The following KANK1 variants were observed in gnomAD, a reference collection of about 807,000 sequenced individuals.
KANK1 encodes the protein KN motif and ankyrin repeat domains 1, also known as KN motif and ankyrin repeat domain-containing protein 1.
A neutral mutation model predicts 106.2 loss-of-function variants in KANK1; 109 were observed. That is an observed-to-expected ratio of 1.03 (90% CI 0.88 to 1.20). The LOEUF (loss-of-function observed/expected upper bound fraction) is 1.20, where lower values mean the gene tolerates loss of function less well. Ranked by LOEUF, KANK1 falls within the 50% of genes most tolerant of loss-of-function variation. The pLI is 0.00. For missense variants in KANK1, 2,399 were observed against 1,710.7 expected (o/e 1.40, Z -7.10); for synonymous variants, 873 against 652.2 (o/e 1.34, Z -5.16).
At position 742,421 on chromosome 9, in the gene KANK1, T is replaced by G; in HGVS notation, c.3897+16T>G. The stretch of plus-strand genomic sequence containing the variant: ...AGAGGACAACGTAAGCTGTCTCCAT[T>G]GGGCCTCCTGGCCAGGGGTCTGGGG... On this transcript the variant is annotated intron_variant, in intron 10 of 11. Transcript: ENST00000382297. 1 of 1,598,066 alleles carries G rather than the reference T, an allele frequency of 6.3e-7. No individual in the cohort carries two copies. Among genetic ancestry groups the G allele is most frequent in the Non-Finnish European group, 8.5e-7 (1 of 1,169,614 alleles).
rs762531818 is a variant in KANK1, at chr9:710,981, C to T, written c.215C>T (p.Pro72Leu). ...NIQKRRKPSV[P>L]CPEPRTTSGQ... ...CAGAAGAGGCGGAAGCCGTCCGTGCCATGCCCAGAACCCAGGACCACATCT... is the reference window on the plus strand; with the variant it reads ...CAGAAGAGGCGGAAGCCGTCCGTGCTATGCCCAGAACCCAGGACCACATCT... The change falls in exon 3 of 12, where the codon CCA becomes CTA. Residue 72 changes from proline to leucine, a missense_variant. Physicochemically the swap from Pro to Leu is moderately conservative, Grantham distance 98. Transcript: ENST00000382297. 2 of 1,614,192 alleles carry T rather than the reference C, an allele frequency of 1.2e-6. No homozygotes were observed. The highest frequency in any genetic ancestry group is 2.2e-5 in the South Asian group (2 of 91,088).
At chr9:715,432 A>G (rs1016879361) in intron 3 of KANK1, among the ~76,000 whole-genome samples, 1 of 152,112 alleles carries the variant, frequency 6.6e-6, no homozygotes, top group African/African-American at 2.4e-5. Context: ...CTCCTCCCCA[A>G]ACTGGGGTTT....
intron 1 of KANK1, among the ~76,000 whole-genome samples, chr9:507,716 C>G (rs923191895): frequency 7.9e-5 from 12 of 152,080 alleles, no homozygotes; most frequent in Non-Finnish European, 1.6e-4. Context: ...TGTCACCACA[C>G]CCAGCTAATT....
chr9:602,064 A>C (rs781744080), intron 1 of KANK1, among the ~76,000 whole-genome samples: 16 of 151,886 alleles, frequency 1.1e-4, no homozygotes, highest in Non-Finnish European at 2.1e-4. Context: ...TGATCACTTA[A>C]TGTTGAGTTG....
At position 742,415 on chromosome 9, in the gene KANK1, C is replaced by T. The variant is rs775549113; in HGVS notation, c.3897+10C>T. The stretch of plus-strand genomic sequence containing the variant: ...TCACCTAGAGGACAACGTAAGCTGT[C>T]TCCATTGGGCCTCCTGGCCAGGGGT... On this transcript the variant is annotated intron_variant, in intron 10 of 11. Coordinates refer to ENST00000382297, the MANE Select transcript of KANK1 (RefSeq NM_015158.5). 4 of 1,603,288 alleles carry T rather than the reference C, an allele frequency of 2.5e-6. No individual in the cohort carries two copies. The highest frequency in any genetic ancestry group is 3.4e-6 in the Non-Finnish European group (4 of 1,173,154).
chr9:734,622 T>A lies in KANK1; in HGVS notation c.3246-126T>A. ...CGGAGGTTGCAGTGAGCCAAGATCA[T>A]GCCACTGCACTCCAGCCTGGGCGAC... On this transcript the variant is annotated intron_variant, in intron 6 of 11. Coordinates refer to ENST00000382297, the MANE Select transcript of KANK1 (RefSeq NM_015158.5). 4.9e-6 allele frequency: 3 copies of A among 610,572 alleles called. No homozygotes were observed. The East Asian group carries it at 9.3e-5, about 19-fold the overall frequency. The allele number at this position is 610,572 out of a possible 1,614,324, so 37.8% of individuals were successfully genotyped here.
rs776918053 is a variant in KANK1, at chr9:711,430, T to G, written c.664T>G (p.Tyr222Asp). The change falls in exon 3 of 12, where the codon TAT becomes GAT. Residue 222 changes from tyrosine to aspartate, a missense_variant. Coordinates refer to ENST00000382297, the MANE Select transcript of KANK1 (RefSeq NM_015158.5). ...GAATGGATACCAAGGTAATGGGGAT[T>G]ATGGTAGCTATGCCCCAGCTGCTCC... ...LQNGYQGNGDYGSYAPAAPTT... is the reference protein window; with the variant it reads ...LQNGYQGNGDDGSYAPAAPTT... 1 of 1,614,106 alleles carries G rather than the reference T, an allele frequency of 6.2e-7. No individual in the cohort carries two copies. The highest frequency in any genetic ancestry group is 1.1e-5 in the South Asian group (1 of 91,072).
intron 1 of KANK1, among the ~76,000 whole-genome samples, chr9:572,817 C>G (rs1819554785): frequency 6.6e-6 from 1 of 152,142 alleles, no homozygotes; most frequent in South Asian, 2.1e-4. Flanking sequence ...GCATAACGGT[C>G]TTCCCACATT....
chr9:550,778 A>C lies in KANK1; in HGVS notation c.-84+46024A>C, dbSNP rs61585899. On this transcript the variant is annotated intron_variant, in intron 1 of 11. Transcript: ENST00000382297. ...AAGGTTAATTATGAGCGTAAGGCCC[A>C]GGCATCTTTTCTTCCTAACAATTTC... Among the ~76,000 whole-genome samples the C allele has an allele frequency of 7.2e-3, 1,099 of 152,344 alleles. 19 individuals are homozygous for C. Among genetic ancestry groups the C allele is most frequent in the African/African-American group, 0.024 (1,004 of 41,578 alleles).
At chr9:654,521 A>T (rs1563932154) in intron 1 of KANK1, among the ~76,000 whole-genome samples, 1 of 150,538 alleles carries the variant, frequency 6.6e-6, no homozygotes, top group Admixed American at 6.6e-5. Context: ...GGACAATAGA[A>T]TTTTTTTTTT....
At chr9:636,274 A>G (rs1232851420) in intron 1 of KANK1, among the ~76,000 whole-genome samples, 1 of 152,194 alleles carries the variant, frequency 6.6e-6, no homozygotes, top group Non-Finnish European at 1.5e-5. Flanking sequence ...GAGAATTATC[A>G]GAATAATTTC....
intron 1 of KANK1, among the ~76,000 whole-genome samples, chr9:600,522 A>G (rs1206501526): frequency 6.6e-6 from 1 of 151,932 alleles, no homozygotes; most frequent in Non-Finnish European, 1.5e-5. Context: ...ATATAAATAA[A>G]TAAAATGAAG....
intron 1 of KANK1, among the ~76,000 whole-genome samples, chr9:505,418 C>T (rs1170619091): frequency 2.0e-5 from 3 of 152,232 alleles, no homozygotes; most frequent in Non-Finnish European, 4.4e-5. Flanking sequence ...CGTGGGTTTC[C>T]GAGGTCCCGC....
chr9:577,350 A>T (rs961518026), intron 1 of KANK1, among the ~76,000 whole-genome samples: 1 of 152,070 alleles, frequency 6.6e-6, no homozygotes, highest in Non-Finnish European at 1.5e-5. Flanking sequence ...TGATTGGTGC[A>T]TTTACAAACC....
chr9:562,459 T>G (rs1166992489), intron 1 of KANK1, among the ~76,000 whole-genome samples: 2 of 152,172 alleles, frequency 1.3e-5, no homozygotes, highest in African/African-American at 4.8e-5. Context: ...AGTAAAGAGC[T>G]CAAAGTGATT....
chr9:597,410 GGTATAAA>G (rs1826489184), intron 1 of KANK1, among the ~76,000 whole-genome samples: 3 of 151,664 alleles, frequency 2.0e-5, no homozygotes, highest in Admixed American at 2.0e-4. Context: ...CGTCCTTGTG[GGTATAAA>G]GTAGTATTTT....
chr9:521,443 C>T (rs2059544873), intron 1 of KANK1, among the ~76,000 whole-genome samples: 1 of 151,634 alleles, frequency 6.6e-6, no homozygotes, highest in Non-Finnish European at 1.5e-5. Flanking sequence ...GGGGTTCTTC[C>T]TGAGCTCTTA....
intron 3 of KANK1, among the ~76,000 whole-genome samples, chr9:715,325 A>T (rs1827388621): frequency 6.6e-6 from 1 of 150,760 alleles, no homozygotes; most frequent in South Asian, 2.1e-4. Flanking sequence ...AAAAATCATG[A>T]TGTCAGATGA....
chr9:518,669 C>A (rs1393148310), intron 1 of KANK1, among the ~76,000 whole-genome samples: 2 of 151,554 alleles, frequency 1.3e-5, no homozygotes, highest in Admixed American at 1.3e-4. Context: ...GTAGTATTTC[C>A]TGACTATAAA....
Sources: gnomAD v4.1 joint callset for allele counts (sites outside exome capture counted in the v4.1 genomes callset) on GRCh38, gnomAD v4.1.1 for gene constraint, MANE v1.5 for transcripts, NCBI Gene and HGNC (gene_info 2026-07-23, HGNC 2026-07-21) for gene names.